Variants in ATP2C1 observed in about 807,000 individuals in gnomAD.
ATP2C1 encodes calcium-transporting ATPase type 2C member 1.
ATP2C1 carries 31 observed loss-of-function variants against 120.5 expected under a neutral mutation model. The observed-to-expected ratio is 0.26, with a 90% CI of 0.19 to 0.35. The LOEUF (loss-of-function observed/expected upper bound fraction) is 0.35. Among genes scored for constraint, ATP2C1 ranks in the 10% least tolerant of loss-of-function variants. The pLI is 1.00. For missense variants in ATP2C1, 731 were observed against 1,107.5 expected (o/e 0.66, Z 4.83); for synonymous variants, 351 against 358.7 (o/e 0.98, Z 0.24).
At chr3:130,935,253 G>T (rs1352468144) in intron 5 of ATP2C1, among the ~76,000 whole-genome samples, 1 of 152,126 alleles carries the variant, frequency 6.6e-6, no homozygotes, top group Non-Finnish European at 1.5e-5. Context: ...ATAATTATCT[G>T]ATTAAATTTT....
In ATP2C1 at chr3:130,894,168, C is replaced by CCAA; in HGVS notation, c.-350_-349insCAA. ...CTTCTCTCCCCTCCCCGCCCGCCCTCTCTCCCTCCCTTCCTCCCTCCCGCT... is the reference window on the plus strand; with the variant it reads ...CTTCTCTCCCCTCCCCGCCCGCCCTCCAATCTCCCTCCCTTCCTCCCTCCCGCT... On this transcript the variant is annotated 5_prime_UTR_variant, in exon 1 of 28. Transcript: ENST00000510168. The surrounding 1 kb of genome is among the most constrained non-coding windows in gnomAD (Gnocchi z 4.5). 2.3e-6 allele frequency: 2 copies of CCAA among 858,118 alleles called. No homozygotes were observed. Among genetic ancestry groups the CCAA allele is most frequent in the Non-Finnish European group, 2.8e-6 (2 of 714,022 alleles). The allele number at this position is 858,118 out of a possible 1,614,324, so 53.2% of individuals were successfully genotyped here.
rs1238035421 is a variant in ATP2C1 at position 130,990,124 on chromosome 3, A to G, written c.1840-2827A>G. Among the ~76,000 whole-genome samples the G allele has an allele frequency of 2.0e-5, 3 of 152,084 alleles. No individual in the cohort carries two copies. In the East Asian group the frequency reaches 5.8e-4, roughly 29 times the overall value. ...CTTTATTAAAGGAGAGAACCAGGGA[A>G]CAGTCTTTATGGTAGTACTGAGATT... On this transcript the variant is annotated intron_variant, in intron 20 of 27. Transcript: ENST00000510168.
At chr3:130,872,937 T>C (rs1351978258) in intron 1 of ATP2C1, among the ~76,000 whole-genome samples, 1 of 152,154 alleles carries the variant, frequency 6.6e-6, no homozygotes, top group Non-Finnish European at 1.5e-5. Flanking sequence ...TAGAAGAGGG[T>C]CTGCTTGGAG....
At chr3:130,859,160 G>C (rs2067936908) in intron 1 of ATP2C1, among the ~76,000 whole-genome samples, 1 of 152,144 alleles carries the variant, frequency 6.6e-6, no homozygotes, top group Admixed American at 6.5e-5. Context: ...AATAAGGAGA[G>C]GGCAGAGGGC....
chr3:130,903,425 GT>G (rs2057959683), intron 2 of ATP2C1, among the ~76,000 whole-genome samples: 1 of 151,932 alleles, frequency 6.6e-6, no homozygotes. Context: ...TGTACCTGTA[GT>G]TATTTAGGTC....
chr3:130,926,655 A>G (rs1011116982), intron 2 of ATP2C1, among the ~76,000 whole-genome samples: 1 of 152,230 alleles, frequency 6.6e-6, no homozygotes, highest in Non-Finnish European at 1.5e-5. Flanking sequence ...TTTTTCTACT[A>G]AGGCTAGGAA....
At chr3:130,901,079 C>G (rs906189185) in intron 2 of ATP2C1, among the ~76,000 whole-genome samples, 1 of 152,144 alleles carries the variant, frequency 6.6e-6, no homozygotes, top group South Asian at 2.1e-4. Flanking sequence ...TCTTTTGAAG[C>G]AGGCAAAAGC....
At chr3:130,902,001 C>G (rs977692199) in intron 2 of ATP2C1, among the ~76,000 whole-genome samples, 1 of 152,036 alleles carries the variant, frequency 6.6e-6, no homozygotes. Context: ...CTACCTCCCC[C>G]CGCCACCCTC....
At chr3:130,980,862 G>A (rs543898683) in intron 20 of ATP2C1, among the ~76,000 whole-genome samples, 183 bp downstream of exon 20, 1 of 152,270 alleles carries the variant, frequency 6.6e-6, no homozygotes, top group South Asian at 2.1e-4. Context: ...GATTATTTAT[G>A]ATATGATGTT....
chr3:130,992,918 T>TG (rs778661084), intron 20 of ATP2C1, 33 bp from the exon 21 acceptor site: 34 of 1,558,190 alleles, frequency 2.2e-5, no homozygotes, highest in African/African-American at 1.4e-5. Context: ...ATCTTAATAT[T>TG]GAAGATTTTT....
chr3:130,944,900 A>T (rs1327326611), intron 8 of ATP2C1, among the ~76,000 whole-genome samples: 2 of 152,040 alleles, frequency 1.3e-5, no homozygotes, highest in African/African-American at 4.8e-5. Flanking sequence ...ACCTCTGCAC[A>T]TTTTTCTGTA....
Position 130,979,291 on chromosome 3 carries a change from T to G in ATP2C1, c.1613T>G (p.Phe538Cys). The change falls in exon 19 of 28, where the codon TTT becomes TGT. Residue 538 changes from phenylalanine to cysteine, a missense_variant. Transcript: ENST00000510168. Reference sequence around the variant, plus strand: ...GGTCCTGAACTGGGACAGCTGACATTTCTTGGCTTGGTGGGAATCATTGAT... The same window carrying G: ...GGTCCTGAACTGGGACAGCTGACATGTCTTGGCTTGGTGGGAATCATTGAT... Reference protein sequence around the residue: ...ASGPELGQLTFLGLVGIIDPP... With the variant: ...ASGPELGQLTCLGLVGIIDPP... 6.2e-7 allele frequency: 1 copy of G among 1,613,756 alleles called. No individual in the cohort carries two copies. Among genetic ancestry groups the G allele is most frequent in the Non-Finnish European group, 8.5e-7 (1 of 1,179,764 alleles).
rs773763254 is a variant in ATP2C1, at chr3:130,883,210, TTTTA to T, written c.108+32290_108+32293del. 1.9e-3 allele frequency among the ~76,000 whole-genome samples: 284 copies of T among 152,264 alleles called. 2 individuals are homozygous for T. The highest frequency in any genetic ancestry group is 3.5e-3 in the Non-Finnish European group (240 of 68,008). On this transcript the variant is annotated intron_variant, in intron 1 of 26. Coordinates refer to the ATP2C1 transcript ENST00000504381. Reference sequence around the variant, plus strand: ...GCAATGTTTCTATTTTCATCTCTGATTTTATTTATTTGGGTCTTTTCCTTTTTTT... The same window carrying T: ...GCAATGTTTCTATTTTCATCTCTGATTTTATTTGGGTCTTTTCCTTTTTTT...
intron 17 of ATP2C1, among the ~76,000 whole-genome samples, chr3:130,973,518 A>G (rs2061419318): frequency 1.3e-5 from 2 of 152,184 alleles, no homozygotes; most frequent in Non-Finnish European, 2.9e-5. Context: ...ATCCGGTAAC[A>G]TAGATGGCTA....
At chr3:130,915,912 C>G (rs967586029) in intron 2 of ATP2C1, among the ~76,000 whole-genome samples, 13 of 152,212 alleles carry the variant, frequency 8.5e-5, no homozygotes, top group African/African-American at 2.9e-4. Context: ...TCCAAATCCA[C>G]TGTCACTAAA....
chr3:130,931,489 C>A (rs2059445413), intron 3 of ATP2C1, among the ~76,000 whole-genome samples: 1 of 151,916 alleles, frequency 6.6e-6, no homozygotes, highest in Non-Finnish European at 1.5e-5. Context: ...GCCCAGAGAA[C>A]AAGGAAGACA....
In ATP2C1 at chr3:130,975,390, C is replaced by A; in HGVS notation, c.1472C>A (p.Thr491Asn). ...TACGAACAAGTAATTAAGTACTGTA[C>A]TACATACCAGAGCAAAGGGCAGACC... ...GAYEQVIKYC[T>N]TYQSKGQTLT... Residue 491 changes from threonine to asparagine, a missense_variant, in exon 18 of 28, where the codon ACT (threonine) becomes AAT (asparagine). Transcript: ENST00000510168. The A allele has an allele frequency of 6.2e-7, 1 of 1,613,836 alleles. No individual in the cohort carries two copies. Among genetic ancestry groups the A allele is most frequent in the Non-Finnish European group, 8.5e-7 (1 of 1,179,822 alleles).
chr3:131,004,319 G>A (rs745816879), downstream of ATP2C1, among the ~76,000 whole-genome samples: 5 of 152,210 alleles, frequency 3.3e-5, no homozygotes, highest in African/African-American at 4.8e-5. Context: ...TAACTAGTAC[G>A]TGATTGGACA....
intron 18 of ATP2C1, 27 bp from the exon 19 acceptor site, chr3:130,979,222 G>A: frequency 6.2e-7 from 1 of 1,607,684 alleles, no homozygotes. Flanking sequence ...TTTTTTTGTT[G>A]TTGTTTGGAT....
Sources: allele counts gnomAD v4.1 joint callset (sites outside exome capture counted in the v4.1 genomes callset), GRCh38; gene constraint gnomAD v4.1.1; non-coding constraint Gnocchi (gnomAD v3.1); transcripts MANE v1.5; gene names NCBI Gene and HGNC (gene_info 2026-07-23, HGNC 2026-07-21).